NCOA3: variants seen among roughly 807,000 people sequenced by gnomAD.
NCOA3 encodes nuclear receptor coactivator 3, also known as CBP-interacting protein.
In NCOA3, 51 loss-of-function variants were observed where a neutral mutation model predicts 158.8. That is an observed-to-expected ratio of 0.32 (90% CI 0.26 to 0.41). The LOEUF is 0.41. NCOA3 is among the 10% of genes least tolerant of loss of function. The pLI, the probability that NCOA3 is intolerant of heterozygous loss-of-function variation, is 1.00. For missense variants in NCOA3, 1,510 were observed against 1,746.6 expected, an observed-to-expected ratio of 0.86 and a Z score of 2.41; for synonymous variants, 537 against 592.4, an observed-to-expected ratio of 0.91 and a Z score of 1.36.
Position 47,635,927 on chromosome 20 carries a change from G to T in NCOA3, c.1541G>T (p.Gly514Val). 6.2e-7 allele frequency: 1 copy of T among 1,613,764 alleles called. No individual in the cohort carries two copies. Among genetic ancestry groups the T allele is most frequent in the Non-Finnish European group, 8.5e-7 (1 of 1,179,896 alleles). The change falls in exon 12 of 23, where the codon GGG (glycine) becomes GTG (valine). Residue 514 changes from glycine to valine, a missense_variant. Coordinates refer to ENST00000371998, the MANE Select transcript of NCOA3 (RefSeq NM_181659.3). ...CCCATGGCATCTTCTGGCAATACTG[G>T]GAACCACAGCTTTTCCAGCAGCTCT... The part of the protein sequence containing the change: ...HSPMASSGNT[G>V]NHSFSSSSLS...
chr20:47,618,371 AT>A (rs2086176564), intron 2 of NCOA3, among the ~76,000 whole-genome samples: 1 of 18,128 alleles, frequency 5.5e-5, no homozygotes, highest in African/African-American at 2.5e-4. Flanking sequence ...TTTTTTTTTT[AT>A]AGACAGAATT....
chr20:47,638,797 T>G, intron 13 of NCOA3, among the ~76,000 whole-genome samples: 1 of 111,190 alleles, frequency 9.0e-6, no homozygotes, highest in Non-Finnish European at 1.7e-5. Context: ...CTACTTTATT[T>G]GGAATATGAG....
rs1426760785 is a variant in NCOA3 at position 47,634,394 on chromosome 20, C to T, written c.1112+199C>T. Among the ~76,000 whole-genome samples, 3 of 152,098 alleles carry T rather than the reference C, an allele frequency of 2.0e-5. No homozygotes were observed. The East Asian group carries it at 5.8e-4, about 29-fold the overall frequency. On this transcript the variant is annotated intron_variant, in intron 10 of 22. Coordinates refer to ENST00000371998, the MANE Select transcript of NCOA3 (RefSeq NM_181659.3). Reference sequence around the variant, plus strand: ...TGTGAAAGTGATTATTTATTAAATACTTTACAGGAAAGCTAGGTGATGGGA... The same window carrying T: ...TGTGAAAGTGATTATTTATTAAATATTTTACAGGAAAGCTAGGTGATGGGA...
intron 2 of NCOA3, among the ~76,000 whole-genome samples, chr20:47,610,401 G>A (rs916583798): frequency 1.3e-5 from 2 of 152,000 alleles, no homozygotes; most frequent in African/African-American, 2.4e-5. Flanking sequence ...TGTGTTTTTT[G>A]CAGAGACAGA....
intron 9 of NCOA3, 149 bp from the exon 10 acceptor site, chr20:47,633,899 T>A: frequency 1.9e-6 from 2 of 1,063,024 alleles, no homozygotes; most frequent in Non-Finnish European, 2.7e-6. Context: ...TGAGTGTTCT[T>A]ATTTTACCCT....
At chr20:47,574,262 C>G (rs929281013) in intron 1 of NCOA3, among the ~76,000 whole-genome samples, 1 of 151,926 alleles carries the variant, frequency 6.6e-6, no homozygotes, top group Non-Finnish European at 1.5e-5. Context: ...AGGAAAAAGG[C>G]ACACAAAATT....
chr20:47,640,195 ACT>A (rs748603665), intron 16 of NCOA3, 144 bp downstream of exon 16: 54 of 1,083,502 alleles, frequency 5.0e-5, no homozygotes, highest in African/African-American at 6.3e-5. Flanking sequence ...TTCTCGTGTA[ACT>A]CTGTGTAAAA....
intron 1 of NCOA3, among the ~76,000 whole-genome samples, chr20:47,522,538 C>T (rs1467340476): frequency 2.0e-5 from 3 of 151,930 alleles, no homozygotes; most frequent in Non-Finnish European, 4.4e-5. Flanking sequence ...AAGTCCCCAC[C>T]TGCCACAGAT....
chr20:47,649,818 A>G (rs975325223), intron 19 of NCOA3, among the ~76,000 whole-genome samples: 3 of 152,148 alleles, frequency 2.0e-5, no homozygotes, highest in African/African-American at 7.2e-5. Flanking sequence ...CAGAAAGATG[A>G]TAAAAGCTTG....
intron 1 of NCOA3, among the ~76,000 whole-genome samples, chr20:47,560,429 G>A (rs1270400010): frequency 6.6e-6 from 1 of 152,124 alleles, no homozygotes; most frequent in African/African-American, 2.4e-5. Flanking sequence ...TGTGATTGCT[G>A]GATCATATGG....
In NCOA3 at chr20:47,655,039, A is replaced by G. The variant is rs1291777041; in HGVS notation, c.*1622A>G. The G allele has an allele frequency of 6.6e-6, 1 of 152,112 alleles. No individual in the cohort carries two copies. Among genetic ancestry groups the G allele is most frequent in the African/African-American group, 2.4e-5 (1 of 41,408 alleles). 9.4% of individuals were successfully genotyped at this position (152,112 alleles called of 1,614,324 possible). ...CTCATTCTACTAATGTGATGCTTTC[A>G]TTATGTCCCTGTGGATTAGAATAGT... is the stretch of plus-strand genomic sequence containing the variant. On this transcript the variant is annotated 3_prime_UTR_variant, in exon 23 of 23. Coordinates refer to ENST00000371998, the MANE Select transcript of NCOA3 (RefSeq NM_181659.3).
At chr20:47,558,820 CTTTTTT>C (rs56997127) in intron 1 of NCOA3, among the ~76,000 whole-genome samples, 389 of 114,498 alleles carry the variant, frequency 3.4e-3, no homozygotes, top group African/African-American at 0.011. Flanking sequence ...ACTTTTTTCA[CTTTTTT>C]TTTTTTTTTT....
At chr20:47,548,094 A>G (rs1371605227) in intron 1 of NCOA3, among the ~76,000 whole-genome samples, 1 of 152,032 alleles carries the variant, frequency 6.6e-6, no homozygotes, top group African/African-American at 2.4e-5. Context: ...AATCCATTTA[A>G]GATGGAAGTT....
chr20:47,571,823 C>G (rs935395550), intron 1 of NCOA3, among the ~76,000 whole-genome samples: 9 of 151,838 alleles, frequency 5.9e-5, no homozygotes, highest in Admixed American at 5.9e-4. Flanking sequence ...TGCCTCCAGG[C>G]TCAAGCAATC....
intron 2 of NCOA3, among the ~76,000 whole-genome samples, chr20:47,591,178 T>C (rs1031653276): frequency 3.3e-5 from 5 of 152,208 alleles, no homozygotes; most frequent in African/African-American, 1.2e-4. Context: ...CTGGTTAAAT[T>C]TCTGCCACTA....
At chr20:47,583,937 C>T (rs367618396) in intron 2 of NCOA3, among the ~76,000 whole-genome samples, 5 of 151,968 alleles carry the variant, frequency 3.3e-5, no homozygotes, top group African/African-American at 1.2e-4. Context: ...GCCTGGGCAA[C>T]AGAATGAAAC....
At chr20:47,503,904 G>T (rs1002529090) in intron 1 of NCOA3, among the ~76,000 whole-genome samples, 1 of 152,136 alleles carries the variant, frequency 6.6e-6, no homozygotes, top group Non-Finnish European at 1.5e-5. Context: ...GGCATTTTAT[G>T]TATAGATGGA....
At chr20:47,615,241 TC>T (rs1276540843) in intron 2 of NCOA3, among the ~76,000 whole-genome samples, 1 of 152,208 alleles carries the variant, frequency 6.6e-6, no homozygotes, top group African/African-American at 2.4e-5. Context: ...TCCTTATTTC[TC>T]CCTTATTAAT....
chr20:47,646,886 T>C (rs796140897), intron 17 of NCOA3, among the ~76,000 whole-genome samples, 187 bp from the exon 18 acceptor site: 8 of 152,340 alleles, frequency 5.3e-5, no homozygotes, highest in African/African-American at 1.9e-4. Context: ...TACTTCTTTT[T>C]CTGTCACCTG....
Sources: gnomAD v4.1 joint callset for allele counts (sites outside exome capture counted in the v4.1 genomes callset) on GRCh38, gnomAD v4.1.1 for gene constraint, MANE v1.5 for transcripts, NCBI Gene and HGNC (gene_info 2026-07-23, HGNC 2026-07-21) for gene names.